The following DYM variants were observed in gnomAD, a reference collection of about 807,000 sequenced individuals.
DYM encodes dyggve-Melchior-Clausen syndrome protein.
DYM carries 78 observed loss-of-function variants against 93.1 expected under a neutral mutation model. That is an observed-to-expected ratio of 0.84 (90% CI 0.70 to 1.01). The LOEUF is 1.01. Among genes scored for constraint, DYM ranks in the 50% least tolerant of loss-of-function variants. DYM has a pLI of 0.00. For missense variants in DYM, 789 were observed against 845.0 expected, an observed-to-expected ratio of 0.93 and a Z score of 0.82; for synonymous variants, 321 against 319.7, an observed-to-expected ratio of 1.00 and a Z score of -0.04.
chr18:49,417,863 C>A (rs2073167747), intron 2 of DYM: 1 of 152,096 alleles, frequency 6.6e-6, no homozygotes, highest in Non-Finnish European at 1.5e-5. Context: ...GAGTTCAAGA[C>A]CAGCCTGACC....
intron 1 of DYM, among the ~76,000 whole-genome samples, chr18:49,439,977 T>G (rs1456442052): frequency 2.0e-5 from 3 of 151,038 alleles, no homozygotes; most frequent in Admixed American, 6.7e-5. Context: ...GTCACTGTAC[T>G]TCAGCCTGGG....
chr18:49,344,695 C>T (rs1225778028), intron 6 of DYM, among the ~76,000 whole-genome samples: 1 of 151,344 alleles, frequency 6.6e-6, no homozygotes, highest in East Asian at 1.9e-4. Context: ...AACTGTATAA[C>T]CTTTTGGGGA....
chr18:49,446,683 A>C (rs1227163376), intron 1 of DYM, among the ~76,000 whole-genome samples: 1 of 152,198 alleles, frequency 6.6e-6, no homozygotes, highest in African/African-American at 2.4e-5. Context: ...TGATATACAG[A>C]GATACGGATA....
intron 2 of DYM, among the ~76,000 whole-genome samples, chr18:49,423,405 G>A (rs1367629412): frequency 2.6e-5 from 4 of 152,040 alleles, no homozygotes; most frequent in Non-Finnish European, 4.4e-5. Flanking sequence ...GTGTGTAGAG[G>A]GAAATTTATA....
At chr18:49,154,638 A>ACCT (rs1354844558) in intron 15 of DYM, among the ~76,000 whole-genome samples, 4 of 152,082 alleles carry the variant, frequency 2.6e-5, no homozygotes, top group Admixed American at 2.6e-4. Flanking sequence ...CAGGTGATCC[A>ACCT]CCTGCCTCTG....
At chr18:49,100,867 C>G (rs187526988) in intron 16 of DYM, among the ~76,000 whole-genome samples, 1 of 152,256 alleles carries the variant, frequency 6.6e-6, no homozygotes, top group African/African-American at 2.4e-5. Flanking sequence ...GTATTTCTTC[C>G]TACTTTATCA....
At chr18:49,254,781 G>A (rs1422181758) in intron 13 of DYM, among the ~76,000 whole-genome samples, 2 of 152,122 alleles carry the variant, frequency 1.3e-5, no homozygotes, top group East Asian at 3.8e-4. Flanking sequence ...ATTGTGTAAT[G>A]AAATCTTCAT....
At chr18:49,112,837 A>C (rs1451592496) in intron 16 of DYM, among the ~76,000 whole-genome samples, 1 of 152,034 alleles carries the variant, frequency 6.6e-6, no homozygotes, top group Admixed American at 6.6e-5. Flanking sequence ...CGTCCCACCC[A>C]CTATTCTCTG....
intron 16 of DYM, among the ~76,000 whole-genome samples, chr18:49,111,319 G>A (rs1167372477): frequency 6.6e-6 from 1 of 152,000 alleles, no homozygotes; most frequent in Admixed American, 6.6e-5. Flanking sequence ...CCAGATCTTT[G>A]AAACTGATAA....
chr18:49,258,565 AT>A, intron 11 of DYM, 72 bp from the exon 12 acceptor site: 1 of 968,006 alleles, frequency 1.0e-6, no homozygotes, highest in Non-Finnish European at 1.6e-6. Flanking sequence ...CATGTCCACA[AT>A]TTTTGATAAA....
At chr18:49,080,058 G>C (rs566491788) in intron 17 of DYM, among the ~76,000 whole-genome samples, 220 of 147,368 alleles carry the variant, frequency 1.5e-3, no homozygotes, top group African/African-American at 5.0e-3. Flanking sequence ...AGTAGGGGTG[G>C]CCGGGCAGAG....
Position 49,120,078 on chromosome 18 carries a change from C to CAAA in DYM, c.1729-1155_1729-1153dup, listed in dbSNP as rs71165367. Among the ~76,000 whole-genome samples, 120 of 56,146 alleles carry CAAA rather than the reference C, an allele frequency of 2.1e-3. 2 individuals carry two copies. The highest frequency in any genetic ancestry group is 6.0e-3 in the African/African-American group (102 of 17,006). The allele number at this position is 56,146 out of a possible 152,430, so 36.8% of individuals were successfully genotyped here. On this transcript the variant is annotated intron_variant, in intron 15 of 17. Coordinates refer to ENST00000675505, the MANE Select transcript of DYM (RefSeq NM_001353214.3). ...TGAGTGACAGAGCCAGATCCTGTCT[C>CAAA]AAAAAAAAAAAAAAAAAGAAAAAAA...
intron 13 of DYM, among the ~76,000 whole-genome samples, chr18:49,214,560 TAAA>T (rs528419205): frequency 8.2e-6 from 1 of 121,522 alleles, no homozygotes. Flanking sequence ...AATCAATGAG[TAAA>T]AAAAAAAAAA....
At chr18:49,074,468 C>T (rs914054207) in intron 17 of DYM, among the ~76,000 whole-genome samples, 4 of 152,076 alleles carry the variant, frequency 2.6e-5, no homozygotes, top group African/African-American at 9.7e-5. Flanking sequence ...AACCAATCTC[C>T]CATGGATACA....
chr18:49,057,476 G>T (rs996358961), intron 17 of DYM, among the ~76,000 whole-genome samples: 1 of 152,250 alleles, frequency 6.6e-6, no homozygotes, highest in African/African-American at 2.4e-5. Context: ...AGGGAGCTGG[G>T]AGTCATGCTC....
chr18:49,233,898 G>A (rs964031086), intron 13 of DYM, among the ~76,000 whole-genome samples: 12 of 151,728 alleles, frequency 7.9e-5, no homozygotes, highest in Non-Finnish European at 1.0e-4. Flanking sequence ...AGGCCGAGGC[G>A]GGTGGATCAC....
In DYM at chr18:49,203,362, G is replaced by C. The variant is rs2092254637; in HGVS notation, c.1625+6189C>G. 2.4e-5 allele frequency among the ~76,000 whole-genome samples: 3 copies of C among 124,182 alleles called. No homozygotes were observed. The South Asian group carries it at 8.5e-4, about 35-fold the overall frequency. The allele number at this position is 124,182 out of a possible 152,430, so 81.5% of individuals were successfully genotyped here. ...CCCCGTCTGGGAGGTGTGCCCAACA[G>C]CTCATTGAGAACGGGCCAGGATGAC... is the stretch of plus-strand genomic sequence containing the variant. On this transcript the variant is annotated intron_variant, in intron 14 of 17. Coordinates refer to ENST00000675505, the MANE Select transcript of DYM (RefSeq NM_001353214.3).
rs180880908 is a variant in DYM, at chr18:49,334,506, C to A, written c.495-653G>T. Among the ~76,000 whole-genome samples the A allele has an allele frequency of 1.6e-4, 24 of 152,210 alleles. No individual in the cohort carries two copies. In the East Asian group the frequency reaches 3.5e-3, roughly 22 times the overall value. The stretch of plus-strand genomic sequence containing the variant: ...ATAAAAAGAAAAAGATTCAGCTGAA[C>A]AGAAAGCACACAGAGGAATAAAGGC... On this transcript the variant is annotated intron_variant, in intron 6 of 17. Coordinates refer to ENST00000675505, the MANE Select transcript of DYM (RefSeq NM_001353214.3).
chr18:49,202,485 G>A (rs2092088296), intron 14 of DYM, among the ~76,000 whole-genome samples: 1 of 137,540 alleles, frequency 7.3e-6, no homozygotes, highest in Non-Finnish European at 1.6e-5. Context: ...CCCTCTGCCT[G>A]GCTGCCCAGT....
Sources: gnomAD v4.1 joint callset for allele counts (sites outside exome capture counted in the v4.1 genomes callset) on GRCh38, gnomAD v4.1.1 for gene constraint, MANE v1.5 for transcripts, NCBI Gene and HGNC (gene_info 2026-07-23, HGNC 2026-07-21) for gene names.